Variants in MAGI2 observed in about 807,000 individuals in gnomAD.
The protein encoded by MAGI2 is membrane-associated guanylate kinase, WW and PDZ domain-containing protein 2.
MAGI2 carries 35 observed loss-of-function variants against 133.3 expected under a neutral mutation model. The observed-to-expected ratio is 0.26, with a 90% CI of 0.20 to 0.35. The LOEUF (loss-of-function observed/expected upper bound fraction) is 0.35, where lower values mean the gene tolerates loss of function less well. Ranked by LOEUF, MAGI2 falls within the 10% of genes least tolerant of loss-of-function variation. The probability of loss-of-function intolerance (pLI) is 1.00; values close to 1 mark genes in which losing one functional copy is unlikely to be tolerated. For missense variants in MAGI2, 1,636 were observed against 1,863.4 expected, an observed-to-expected ratio of 0.88 and a Z score of 2.25; for synonymous variants, 729 against 710.6, an observed-to-expected ratio of 1.03 and a Z score of -0.41.
intron 2 of MAGI2, among the ~76,000 whole-genome samples, chr7:78,871,147 G>A (rs377316442): frequency 6.6e-6 from 1 of 151,876 alleles, no homozygotes; most frequent in Non-Finnish European, 1.5e-5. Context: ...CATCGCTATC[G>A]AAAATACAGA....
chr7:78,829,421 C>T (rs1234712413), intron 2 of MAGI2, among the ~76,000 whole-genome samples: 1 of 151,902 alleles, frequency 6.6e-6, no homozygotes, highest in Non-Finnish European at 1.5e-5. Flanking sequence ...ATGGCTCAAT[C>T]AAAGATTTTT....
intron 2 of MAGI2, among the ~76,000 whole-genome samples, chr7:78,754,269 G>A (rs1433322461): frequency 1.3e-5 from 2 of 151,870 alleles, no homozygotes; most frequent in Non-Finnish European, 2.9e-5. Flanking sequence ...TACTAGGGAG[G>A]CTGAGGTGGG....
intron 1 of MAGI2, among the ~76,000 whole-genome samples, chr7:79,093,297 C>A (rs982156653): frequency 3.3e-5 from 5 of 151,980 alleles, no homozygotes; most frequent in Non-Finnish European, 7.4e-5. Context: ...AAAAAGAAGA[C>A]CTATCTGATG....
chr7:79,305,690 G>A (rs1021338697), intron 1 of MAGI2, among the ~76,000 whole-genome samples: 1 of 152,072 alleles, frequency 6.6e-6, no homozygotes, highest in Admixed American at 6.6e-5. Flanking sequence ...GCAGAGGATT[G>A]CTTGACCAGG....
At chr7:78,627,657 C>G (rs971312769) in intron 2 of MAGI2, among the ~76,000 whole-genome samples, 6 of 152,158 alleles carry the variant, frequency 3.9e-5, no homozygotes, top group Admixed American at 1.3e-4. Context: ...AAGTAGCGAT[C>G]TTAGGAAAAT....
intron 3 of MAGI2, among the ~76,000 whole-genome samples, chr7:78,580,781 G>A (rs1228650551): frequency 1.3e-5 from 2 of 152,042 alleles, no homozygotes; most frequent in African/African-American, 2.4e-5. Flanking sequence ...CATTTGATGA[G>A]GACAAATTTT....
In MAGI2 at chr7:79,015,310, A is replaced by G. The variant is rs188277473; in HGVS notation, c.302-8104T>C. On this transcript the variant is annotated intron_variant, in intron 1 of 21. Transcript: ENST00000354212. ...TCTCTATAAAAATGAAAAATTAAAA[A>G]AAAATTCTTAAAAGCCAGGTCAGTC... 2.7e-3 allele frequency among the ~76,000 whole-genome samples: 394 copies of G among 145,686 alleles called. 1 individual carries two copies. The highest frequency in any genetic ancestry group is 9.5e-3 in the African/African-American group (370 of 39,106).
At chr7:79,235,847 GA>G (rs1046431408) in intron 1 of MAGI2, among the ~76,000 whole-genome samples, 1 of 152,280 alleles carries the variant, frequency 6.6e-6, no homozygotes, top group African/African-American at 2.4e-5. Flanking sequence ...CTTACCTTTG[GA>G]AACACTTTTA....
chr7:78,434,901 T>TGTTG (rs1800133750), intron 6 of MAGI2, among the ~76,000 whole-genome samples: 1 of 152,112 alleles, frequency 6.6e-6, no homozygotes, highest in African/African-American at 2.4e-5. Context: ...ATGAGGGAGT[T>TGTTG]GCTGGCTGGC....
chr7:78,470,479 G>A (rs1245217959), intron 6 of MAGI2, among the ~76,000 whole-genome samples: 1 of 152,070 alleles, frequency 6.6e-6, no homozygotes, highest in Non-Finnish European at 1.5e-5. Flanking sequence ...ACTGTTGAAA[G>A]ATGTTTAAAA....
At chr7:78,694,944 G>T (rs147244160) in intron 2 of MAGI2, among the ~76,000 whole-genome samples, 449 of 152,238 alleles carry the variant, frequency 2.9e-3, no homozygotes, top group African/African-American at 0.01. Context: ...AAGTCTCCTG[G>T]TCCAGGCGTG....
intron 2 of MAGI2, among the ~76,000 whole-genome samples, chr7:78,982,571 A>G (rs1804882460): frequency 6.6e-6 from 1 of 151,578 alleles, no homozygotes; most frequent in South Asian, 2.1e-4. Context: ...AAATACTTAA[A>G]CCCTCCTTTT....
chr7:79,443,228 T>TG (rs1848607267), intron 1 of MAGI2, among the ~76,000 whole-genome samples: 1 of 151,754 alleles, frequency 6.6e-6, no homozygotes, highest in Admixed American at 6.6e-5. Context: ...GCAGAGATGA[T>TG]GCCACTATAC....
At chr7:78,717,282 C>G (rs1659860460) in intron 2 of MAGI2, among the ~76,000 whole-genome samples, 2 of 151,474 alleles carry the variant, frequency 1.3e-5, no homozygotes, top group South Asian at 4.2e-4. Flanking sequence ...ACAGCACACA[C>G]ACACACACAG....
chr7:78,403,565 G>A (rs1257120922), intron 6 of MAGI2, among the ~76,000 whole-genome samples: 2 of 152,172 alleles, frequency 1.3e-5, no homozygotes, highest in African/African-American at 4.8e-5. Flanking sequence ...GATCCTTGAG[G>A]AATTGCCACA....
intron 1 of MAGI2, among the ~76,000 whole-genome samples, chr7:79,287,592 G>T (rs1430262555): frequency 6.6e-6 from 1 of 152,062 alleles, no homozygotes; most frequent in Non-Finnish European, 1.5e-5. Flanking sequence ...GTGTGTACTT[G>T]GCCATGATAC....
At chr7:78,452,755 C>T (rs1435665443) in intron 6 of MAGI2, among the ~76,000 whole-genome samples, 1 of 151,198 alleles carries the variant, frequency 6.6e-6, no homozygotes, top group Non-Finnish European at 1.5e-5. Flanking sequence ...TATAAAATGT[C>T]TAGTAATTTG....
chr7:78,335,831 T>C (rs918556970), intron 9 of MAGI2, among the ~76,000 whole-genome samples: 1 of 152,196 alleles, frequency 6.6e-6, no homozygotes, highest in African/African-American at 2.4e-5. Context: ...TTATGGTACA[T>C]TACTGGGCTC....
intron 2 of MAGI2, among the ~76,000 whole-genome samples, chr7:78,633,401 G>T (rs990354312): frequency 2.0e-4 from 30 of 151,544 alleles, no homozygotes; most frequent in Admixed American, 1.1e-3. Flanking sequence ...GAACCTAAAA[G>T]TTTTTTTTTA....
Sources: allele counts gnomAD v4.1 joint callset (sites outside exome capture counted in the v4.1 genomes callset), GRCh38; gene constraint gnomAD v4.1.1; transcripts MANE v1.5; gene names NCBI Gene and HGNC (gene_info 2026-07-23, HGNC 2026-07-21).